The following ZNF790 variants were observed in gnomAD, a reference collection of about 807,000 sequenced individuals.
ZNF790 encodes zinc finger protein 790.
Under a neutral mutation model 12.1 loss-of-function variants are expected in ZNF790, and 8 were observed. That is an observed-to-expected ratio of 0.66 (90% CI 0.39 to 1.19). The LOEUF (loss-of-function observed/expected upper bound fraction) is 1.19, where lower values mean the gene tolerates loss of function less well. ZNF790 is among the 50% of genes most tolerant of loss of function. The pLI, the probability that ZNF790 is intolerant of heterozygous loss-of-function variation, is 0.01. For synonymous variants in ZNF790, 252 were observed against 244.3 expected (o/e 1.03, Z -0.29); for missense variants, 707 against 752.2 (o/e 0.94, Z 0.70).
intron 1 of ZNF790, among the ~76,000 whole-genome samples, chr19:36,845,126 A>G (rs1252751811): frequency 6.6e-6 from 1 of 151,748 alleles, no homozygotes; most frequent in Non-Finnish European, 1.5e-5. Flanking sequence ...ATGAAACAGA[A>G]AGAAATTTAG....
Position 36,819,212 on chromosome 19 carries a change from C to T in ZNF790, c.1132G>A (p.Gly378Ser). The change falls in exon 5 of 5, where the codon GGT (glycine) becomes AGT (serine). Residue 378 changes from glycine (G) to serine (S), a missense_variant. Physicochemically the swap from Gly to Ser is moderately conservative, Grantham distance 56. Coordinates refer to ENST00000356725, the MANE Select transcript of ZNF790 (RefSeq NM_206894.4). Reference sequence around the variant, plus strand: ...TTCTGATGTTGAGCAAGATTTGAACCACGAATAAAGGCTTTTCCACATTCC... The same window carrying T: ...TTCTGATGTTGAGCAAGATTTGAACTACGAATAAAGGCTTTTCCACATTCC... ...CKECGKAFIRGSNLAQHQNVH... is the reference protein window; with the variant it reads ...CKECGKAFIRSSNLAQHQNVH... The T allele has an allele frequency of 1.2e-6, 2 of 1,613,962 alleles. No individual in the cohort carries two copies. Among genetic ancestry groups the T allele is most frequent in the Admixed American group, 1.7e-5 (1 of 59,996 alleles).
intron 1 of ZNF790, among the ~76,000 whole-genome samples, chr19:36,836,767 AAAAAC>A (rs1486891216): frequency 1.3e-5 from 2 of 152,114 alleles, no homozygotes; most frequent in Non-Finnish European, 2.9e-5. Flanking sequence ...ACAAAAATCA[AAAAAC>A]AAAACACCTG....
At chr19:36,827,706 C>T (rs76626835) in intron 1 of ZNF790, 1 of 152,236 alleles carries the variant, frequency 6.6e-6, no homozygotes, top group African/African-American at 2.4e-5. Flanking sequence ...GAGGAAACAA[C>T]ATGCGCCAAT....
At chr19:36,826,286 T>C (rs941580574) in intron 1 of ZNF790, among the ~76,000 whole-genome samples, 3 of 151,944 alleles carry the variant, frequency 2.0e-5, no homozygotes, top group Non-Finnish European at 4.4e-5. Context: ...GCACGAACTT[T>C]TATTAAAAAA....
upstream of ZNF790, among the ~76,000 whole-genome samples, chr19:36,841,015 T>C (rs2072125383): frequency 1.3e-5 from 2 of 152,146 alleles, no homozygotes; most frequent in South Asian, 2.1e-4. Flanking sequence ...ATGATGTAGA[T>C]GTTGGAACTA....
At position 36,827,088 on chromosome 19, in the gene ZNF790, ATATG is replaced by A. The variant is rs1441990395; in HGVS notation, c.-73-1400_-73-1397del. On this transcript the variant is annotated intron_variant, in intron 1 of 4. Transcript: ENST00000356725. ...GTGTGTTGTGTGTGTATGTGTGTAT[ATATG>A]TGTGTGTGTGTATATATATACACAT... 8.7e-4 allele frequency among the ~76,000 whole-genome samples: 123 copies of A among 141,994 alleles called. 3 individuals are homozygous for A. The South Asian group carries it at 0.011, about 13-fold the overall frequency. The allele number at this position is 141,994 out of a possible 152,430, so 93.2% of individuals were successfully genotyped here.
rs1354771870 is a variant in ZNF790 at position 36,819,951 on chromosome 19, T to C, written c.393A>G (p.Gln131=). Residue 131 remains glutamine (Q), a synonymous_variant, in exon 5 of 5, where the codon CAA becomes CAG. Coordinates refer to ENST00000356725, the MANE Select transcript of ZNF790 (RefSeq NM_206894.4). Reference sequence around the variant, plus strand: ...GCTTGAAGCATTCCTCTTGATTATCTTGAAGTGTTTGAAACTGAGTGTTGC... The same window carrying C: ...GCTTGAAGCATTCCTCTTGATTATCCTGAAGTGTTTGAAACTGAGTGTTGC... ...WEGNTQFQTL[Q]DNQEECFKQV... is the part of the protein sequence containing the mutation. 11 of 1,614,040 alleles carry C rather than the reference T, an allele frequency of 6.8e-6. No individual in the cohort carries two copies. Among genetic ancestry groups the C allele is most frequent in the Non-Finnish European group, 6.8e-6 (8 of 1,180,028 alleles).
At chr19:36,833,012 AC>A (rs1364099002) in intron 1 of ZNF790, among the ~76,000 whole-genome samples, 2 of 152,230 alleles carry the variant, frequency 1.3e-5, no homozygotes, top group African/African-American at 4.8e-5. Flanking sequence ...TGTAAGTCAA[AC>A]AGGGCAAAAT....
chr19:36,827,422 C>T (rs1241693074), intron 1 of ZNF790, among the ~76,000 whole-genome samples: 1 of 151,882 alleles, frequency 6.6e-6, no homozygotes, highest in African/African-American at 2.4e-5. Context: ...GTCACAAGGG[C>T]CCTTCCTGAC....
At position 36,818,345 on chromosome 19, in the gene ZNF790, C is replaced by T. The variant is rs760315253; in HGVS notation, c.*88G>A. 1.5e-5 allele frequency: 20 copies of T among 1,314,838 alleles called. No homozygotes were observed. The highest frequency in any genetic ancestry group is 4.5e-4 in the Middle Eastern group (2 of 4,484). 81.4% of individuals were successfully genotyped at this position (1,314,838 alleles called of 1,614,324 possible). ...TTAAAATGCCTTCCAATATTACTTA[C>T]ATTTGTGGTGTTCCTCAAGAGAAAA... On this transcript the variant is annotated 3_prime_UTR_variant, in exon 5 of 5. Transcript: ENST00000356725.
At chr19:36,834,604 CTG>C (rs2072006699) in intron 1 of ZNF790, among the ~76,000 whole-genome samples, 1 of 152,220 alleles carries the variant, frequency 6.6e-6, no homozygotes, top group African/African-American at 2.4e-5. Context: ...CTTGCATAAA[CTG>C]TTGATGGGAA....
intron 1 of ZNF790, among the ~76,000 whole-genome samples, chr19:36,829,794 C>T (rs1026628435): frequency 5.3e-5 from 8 of 151,970 alleles, no homozygotes; most frequent in African/African-American, 1.5e-4. Flanking sequence ...CTCAAATTCC[C>T]GACCTCAGGT....
Position 36,824,432 on chromosome 19 carries a change from T to C in ZNF790, c.10-642A>G, listed in dbSNP as rs570824325. ...AGTGATTCTTGTGCCCCAGCCACCC[T>C]AACAGCTGGGGTTACGTGTGTGCAC... On this transcript the variant is annotated intron_variant, in intron 2 of 4. Coordinates refer to ENST00000356725, the MANE Select transcript of ZNF790 (RefSeq NM_206894.4). Among the ~76,000 whole-genome samples the C allele has an allele frequency of 9.2e-5, 14 of 152,176 alleles. No homozygotes were observed. In the South Asian group the frequency reaches 1.0e-3, roughly 11 times the overall value.
intron 1 of ZNF790, among the ~76,000 whole-genome samples, chr19:36,848,887 G>A (rs191606534): frequency 3.2e-4 from 48 of 152,198 alleles, no homozygotes; most frequent in African/African-American, 1.1e-3. Context: ...TCTGTCTGCC[G>A]GGTTCAAGCC....
At chr19:36,834,833 A>G (rs1476512483) in intron 1 of ZNF790, among the ~76,000 whole-genome samples, 3 of 152,258 alleles carry the variant, frequency 2.0e-5, no homozygotes, top group Non-Finnish European at 4.4e-5. Context: ...ACTAGGAAGA[A>G]ATACAGCATA....
upstream of ZNF790, among the ~76,000 whole-genome samples, chr19:36,842,495 CA>C (rs2072138148): frequency 6.6e-6 from 1 of 151,856 alleles, no homozygotes; most frequent in African/African-American, 2.4e-5. Flanking sequence ...AAACATAGTT[CA>C]TGGAAATAAT....
chr19:36,834,791 T>C (rs1262827508), intron 1 of ZNF790, among the ~76,000 whole-genome samples: 3 of 152,196 alleles, frequency 2.0e-5, no homozygotes, highest in African/African-American at 7.2e-5. Context: ...AATAACGTAT[T>C]GTCTGTATAT....
At chr19:36,829,115 A>T (rs1204546152) in intron 1 of ZNF790, among the ~76,000 whole-genome samples, 1 of 152,040 alleles carries the variant, frequency 6.6e-6, no homozygotes, top group Non-Finnish European at 1.5e-5. Context: ...TTTTTTTTTT[A>T]AAGCTTTATT....
intron 1 of ZNF790, among the ~76,000 whole-genome samples, chr19:36,849,790 C>T (rs1012938687): frequency 2.6e-5 from 4 of 151,908 alleles, no homozygotes; most frequent in Non-Finnish European, 5.9e-5. Flanking sequence ...CAGATCCATA[C>T]ACGATCTTGC....
Sources: gnomAD v4.1 joint callset for allele counts (sites outside exome capture counted in the v4.1 genomes callset) on GRCh38, gnomAD v4.1.1 for gene constraint, MANE v1.5 for transcripts, NCBI Gene and HGNC (gene_info 2026-07-23, HGNC 2026-07-21) for gene names.